The following OSBPL3 variants were observed in gnomAD, a reference collection of about 807,000 sequenced individuals.
OSBPL3 encodes oxysterol binding protein like 3, also known as oxysterol-binding protein-related protein 3.
Under a neutral mutation model 120.1 loss-of-function variants are expected in OSBPL3, and 65 were observed. The observed-to-expected ratio is 0.54, with a 90% CI of 0.44 to 0.67. OSBPL3 has a LOEUF of 0.67. Among genes scored for constraint, OSBPL3 ranks in the 30% least tolerant of loss-of-function variants. The pLI is 0.00. For synonymous variants in OSBPL3, 416 were observed against 402.6 expected, an observed-to-expected ratio of 1.03 and a Z score of -0.40; for missense variants, 1,004 against 1,082.1, an observed-to-expected ratio of 0.93 and a Z score of 1.01.
rs1361079850 is a variant in OSBPL3, at chr7:24,831,024, T to C, written c.1747-119A>G. On this transcript the variant is annotated intron_variant, in intron 15 of 22. Coordinates refer to ENST00000313367, the MANE Select transcript of OSBPL3 (RefSeq NM_015550.4). The surrounding 1 kb of genome is among the most constrained non-coding windows in gnomAD (Gnocchi z 4.0). ...CTTTCAGAAAGCCAAAGATTTGTCT[T>C]TGGTTGTTTTTAAACAACATAGGTT... The C allele has an allele frequency of 7.7e-6, 8 of 1,040,838 alleles. No homozygotes were observed. Among genetic ancestry groups the C allele is most frequent in the Non-Finnish European group, 1.1e-5 (8 of 755,794 alleles). The allele number at this position is 1,040,838 out of a possible 1,614,324, so 64.5% of individuals were successfully genotyped here.
At chr7:24,920,724 C>T (rs1360222518) in intron 1 of OSBPL3, among the ~76,000 whole-genome samples, 1 of 152,010 alleles carries the variant, frequency 6.6e-6, no homozygotes, top group African/African-American at 2.4e-5. Context: ...CAGTTGAAAA[C>T]AAATGACCAA....
In OSBPL3 at chr7:24,808,613, T is replaced by C. The variant is rs1221627892; in HGVS notation, c.2317+1194A>G. ...CGGCAACCTCTGCAACAGTGGGAGA[T>C]GTGGCAGCTACCCATTGAAAGGGCC... On this transcript the variant is annotated intron_variant, in intron 20 of 22. Coordinates refer to ENST00000313367, the MANE Select transcript of OSBPL3 (RefSeq NM_015550.4). The surrounding 1 kb of genome is among the most constrained non-coding windows in gnomAD (Gnocchi z 4.6). Among the ~76,000 whole-genome samples, 2 of 152,226 alleles carry C rather than the reference T, an allele frequency of 1.3e-5. No homozygotes were observed. Among genetic ancestry groups the C allele is most frequent in the African/African-American group, 4.8e-5 (2 of 41,462 alleles).
rs1791915927 is a variant in OSBPL3, at chr7:24,798,159, CTAAAA to C, written c.*2019_*2023del. On this transcript the variant is annotated 3_prime_UTR_variant, in exon 23 of 23. Coordinates refer to ENST00000313367, the MANE Select transcript of OSBPL3 (RefSeq NM_015550.4). This position sits in a 1 kb window ranked among gnomAD's most constrained non-coding sequence, Gnocchi z 4.6. ...GTTTCATCCAGTTGTCCCTGGGACT[CTAAAA>C]TAAAGCATAAGGGCAAGTGAAATAA... is the stretch of plus-strand genomic sequence containing the variant. The C allele has an allele frequency of 6.6e-6, 1 of 152,106 alleles. No individual in the cohort carries two copies. The allele number at this position is 152,106 out of a possible 1,614,324, so 9.4% of individuals were successfully genotyped here.
In OSBPL3 at chr7:24,810,008, T is replaced by A; in HGVS notation, c.2173-57A>T. The A allele has an allele frequency of 5.1e-6, 8 of 1,581,666 alleles. No individual in the cohort carries two copies. The Admixed American group carries it at 6.9e-5, about 14-fold the overall frequency. ...TTTAGCATCAGCTTATTACAGATAT[T>A]AAGGAAAGAAAAAAGGAAAAGCTAG... On this transcript the variant is annotated intron_variant, in intron 19 of 22. Transcript: ENST00000313367.
chr7:24,832,863 C>T (rs1335081065), intron 15 of OSBPL3, among the ~76,000 whole-genome samples: 1 of 152,098 alleles, frequency 6.6e-6, no homozygotes, highest in Non-Finnish European at 1.5e-5. Flanking sequence ...TAAACAAAAC[C>T]CATGAGATAA....
At chr7:24,897,760 A>G (rs1806396206) in intron 1 of OSBPL3, among the ~76,000 whole-genome samples, 2 of 152,248 alleles carry the variant, frequency 1.3e-5, no homozygotes, top group African/African-American at 4.8e-5. Flanking sequence ...AAATGCAGAA[A>G]GATAAAAGCC....
intron 1 of OSBPL3, among the ~76,000 whole-genome samples, chr7:24,969,894 T>G (rs1197013422): frequency 6.6e-6 from 1 of 152,210 alleles, no homozygotes; most frequent in African/African-American, 2.4e-5. Flanking sequence ...GTTCACTGTT[T>G]ACAGCATAGT....
chr7:24,834,758 T>C lies in OSBPL3; in HGVS notation c.1496-22A>G. 1 of 1,566,778 alleles carries C rather than the reference T, an allele frequency of 6.4e-7. No individual in the cohort carries two copies. Among genetic ancestry groups the C allele is most frequent in the Non-Finnish European group, 8.6e-7 (1 of 1,162,580 alleles). ...GGCCCTGAAAGGGAAAGAGGCCTGG[T>C]TGTCTCTATAAAGCTTTTCATTTTA... On this transcript the variant is annotated intron_variant, in intron 14 of 22. Coordinates refer to ENST00000313367, the MANE Select transcript of OSBPL3 (RefSeq NM_015550.4). This position sits in a 1 kb window ranked among gnomAD's most constrained non-coding sequence, Gnocchi z 5.2.
Position 24,938,760 on chromosome 7 carries a change from A to G in OSBPL3, c.-150+41126T>C. Among the ~76,000 whole-genome samples, 1 of 143,094 alleles carries G rather than the reference A, an allele frequency of 7.0e-6. No homozygotes were observed. The highest frequency in any genetic ancestry group is 7.2e-5 in the Admixed American group (1 of 13,974). The allele number at this position is 143,094 out of a possible 152,430, so 93.9% of individuals were successfully genotyped here. A position where few individuals can be genotyped will look rare whatever the true frequency, so the allele number is the denominator to read the frequency against. ...CATACCTAGCTGCAAGGAAAACTGAATAATGAGGTTTTGTTTTGATGTGTG... is the reference window on the plus strand; with the variant it reads ...CATACCTAGCTGCAAGGAAAACTGAGTAATGAGGTTTTGTTTTGATGTGTG... On this transcript the variant is annotated intron_variant, in intron 1 of 22. Transcript: ENST00000313367. This position sits in a 1 kb window ranked among gnomAD's most constrained non-coding sequence, Gnocchi z 5.8.
Position 24,898,832 on chromosome 7 carries a change from A to C in OSBPL3, c.-149-6211T>G, listed in dbSNP as rs534446769. 2.0e-5 allele frequency among the ~76,000 whole-genome samples: 3 copies of C among 152,296 alleles called. No homozygotes were observed. In the South Asian group the frequency reaches 6.2e-4, roughly 32 times the overall value. ...AAACAAAGCAAGAACTCCCTCTATA[A>C]CATGGCTAGATCATCACTGCTTGAC... On this transcript the variant is annotated intron_variant, in intron 1 of 22. Coordinates refer to ENST00000313367, the MANE Select transcript of OSBPL3 (RefSeq NM_015550.4). This position sits in a 1 kb window ranked among gnomAD's most constrained non-coding sequence, Gnocchi z 4.3.
intron 2 of OSBPL3, among the ~76,000 whole-genome samples, chr7:24,880,415 A>AC (rs1487119490): frequency 3.3e-5 from 5 of 150,856 alleles, no homozygotes; most frequent in Non-Finnish European, 5.9e-5. Flanking sequence ...CCTGCCTCTC[A>AC]CCCCCCTACT....
In OSBPL3 at chr7:24,965,967, T is replaced by C. The variant is rs112109482; in HGVS notation, c.-150+13919A>G. Among the ~76,000 whole-genome samples, 4,975 of 152,286 alleles carry C rather than the reference T, an allele frequency of 0.033. 274 individuals carry two copies. The highest frequency in any genetic ancestry group is 0.11 in the African/African-American group (4,703 of 41,568). On this transcript the variant is annotated intron_variant, in intron 1 of 22. Transcript: ENST00000313367. This position sits in a 1 kb window ranked among gnomAD's most constrained non-coding sequence, Gnocchi z 4.3. ...CCCCACCCCTCCAGCTGGCTCCCTGTCCAGCCAGAATGTTGTCTTGCCCTT... is the reference window on the plus strand; with the variant it reads ...CCCCACCCCTCCAGCTGGCTCCCTGCCCAGCCAGAATGTTGTCTTGCCCTT...
At chr7:24,826,358 T>A (rs534716214) in intron 16 of OSBPL3, among the ~76,000 whole-genome samples, 27 of 152,256 alleles carry the variant, frequency 1.8e-4, no homozygotes, top group African/African-American at 5.3e-4. Flanking sequence ...TCCTGATCGG[T>A]CCTCTTTCAC....
chr7:24,928,333 AG>A (rs1364578939), intron 1 of OSBPL3, among the ~76,000 whole-genome samples: 2 of 151,762 alleles, frequency 1.3e-5, no homozygotes, highest in African/African-American at 4.8e-5. Flanking sequence ...CTGGGACTAT[AG>A]GCGCCCGCCA....
chr7:24,880,216 A>G (rs1400201217), intron 2 of OSBPL3, among the ~76,000 whole-genome samples: 4 of 152,180 alleles, frequency 2.6e-5, no homozygotes, highest in Non-Finnish European at 5.9e-5. Flanking sequence ...CAGATGAGAA[A>G]ATTGAAGCTC....
At chr7:24,893,175 A>C (rs1366537618) in intron 1 of OSBPL3, among the ~76,000 whole-genome samples, 1 of 152,252 alleles carries the variant, frequency 6.6e-6, no homozygotes, top group Non-Finnish European at 1.5e-5. Flanking sequence ...GTTGCAGACC[A>C]ATGTTCATAG....
chr7:24,839,192 C>T (rs1207249762), intron 14 of OSBPL3, among the ~76,000 whole-genome samples: 1 of 152,184 alleles, frequency 6.6e-6, no homozygotes, highest in Non-Finnish European at 1.5e-5. Context: ...ATAGGTGGTG[C>T]TTTGAGTATC....
At chr7:24,902,701 AAATAATAATAAT>A (rs70942894) in intron 1 of OSBPL3, among the ~76,000 whole-genome samples, 88 of 144,030 alleles carry the variant, frequency 6.1e-4, no homozygotes, top group African/African-American at 1.4e-3. Flanking sequence ...AAGAGAAAAT[AAATAATAATAAT>A]AATAATAATA....
Position 24,834,366 on chromosome 7 carries a change from T to C in OSBPL3, c.1746+120A>G, listed in dbSNP as rs1176390383. On this transcript the variant is annotated intron_variant, in intron 15 of 22. Coordinates refer to ENST00000313367, the MANE Select transcript of OSBPL3 (RefSeq NM_015550.4). The surrounding 1 kb of genome is among the most constrained non-coding windows in gnomAD (Gnocchi z 5.2). ...GACAGCTCTGAGTAATGAACCTGTT[T>C]ACGGAACAATCAAAATGAAACCGGA... is the stretch of plus-strand genomic sequence containing the variant. 1 of 1,514,556 alleles carries C rather than the reference T, an allele frequency of 6.6e-7. No homozygotes were observed. The highest frequency in any genetic ancestry group is 2.3e-5 in the East Asian group (1 of 43,664). The allele number at this position is 1,514,556 out of a possible 1,614,324, so 93.8% of individuals were successfully genotyped here. A position where few individuals can be genotyped will look rare whatever the true frequency, so the allele number is the denominator to read the frequency against.
Sources: gnomAD v4.1 joint callset for allele counts (sites outside exome capture counted in the v4.1 genomes callset) on GRCh38, gnomAD v4.1.1 for gene constraint, Gnocchi (gnomAD v3.1) non-coding constraint, MANE v1.5 for transcripts, NCBI Gene and HGNC (gene_info 2026-07-23, HGNC 2026-07-21) for gene names.